NOL4: variants seen among roughly 807,000 people sequenced by gnomAD.
NOL4 encodes nucleolar protein 4.
In NOL4, 17 loss-of-function variants were observed where a neutral mutation model predicts 75.9. The ratio of observed to expected loss-of-function variants is 0.22; its 90% CI spans 0.15 to 0.34. The LOEUF (loss-of-function observed/expected upper bound fraction) is 0.34, where lower values mean the gene tolerates loss of function less well. NOL4 is among the 10% of genes least tolerant of loss of function. The pLI is 1.00. For synonymous variants in NOL4, 292 were observed against 289.9 expected, an observed-to-expected ratio of 1.01 and a Z score of -0.07; for missense variants, 614 against 793.5, an observed-to-expected ratio of 0.77 and a Z score of 2.72.
intron 9 of NOL4, among the ~76,000 whole-genome samples, chr18:33,912,660 G>A (rs1174341969): frequency 1.3e-5 from 2 of 152,194 alleles, no homozygotes; most frequent in East Asian, 1.9e-4. Context: ...GGGATGTTGT[G>A]TGGATTAAGG....
intron 5 of NOL4, among the ~76,000 whole-genome samples, chr18:34,037,367 C>T (rs114526580): frequency 5.9e-5 from 9 of 151,760 alleles, no homozygotes; most frequent in African/African-American, 2.2e-4. Context: ...AAATTCAACA[C>T]AATCCCTATC....
chr18:34,154,839 T>A (rs2030057951), intron 1 of NOL4, among the ~76,000 whole-genome samples: 1 of 152,030 alleles, frequency 6.6e-6, no homozygotes, highest in South Asian at 2.1e-4. Context: ...TTCATTGTTG[T>A]CATTCTGATA....
chr18:34,191,263 AT>A (rs1318988858), intron 1 of NOL4, among the ~76,000 whole-genome samples: 2 of 152,088 alleles, frequency 1.3e-5, no homozygotes, highest in Non-Finnish European at 2.9e-5. Context: ...CTTCATTTCC[AT>A]TGTTCTAAAT....
chr18:34,029,116 C>G (rs532694185), intron 5 of NOL4, among the ~76,000 whole-genome samples: 1 of 152,212 alleles, frequency 6.6e-6, no homozygotes, highest in African/African-American at 2.4e-5. Flanking sequence ...CTCACACAGT[C>G]TTGGTGTACA....
chr18:33,989,300 T>C (rs1003487940), intron 6 of NOL4, among the ~76,000 whole-genome samples: 1 of 151,712 alleles, frequency 6.6e-6, no homozygotes, highest in Non-Finnish European at 1.5e-5. Flanking sequence ...CATTCACCAT[T>C]GCATCCTAGT....
At chr18:33,995,947 A>C (rs1048457583) in intron 6 of NOL4, among the ~76,000 whole-genome samples, 7 of 151,826 alleles carry the variant, frequency 4.6e-5, no homozygotes, top group African/African-American at 1.7e-4. Flanking sequence ...CTGGAGTATA[A>C]TGTTGTTTAA....
chr18:33,984,394 T>A (rs2072258095), intron 6 of NOL4, among the ~76,000 whole-genome samples: 1 of 152,096 alleles, frequency 6.6e-6, no homozygotes, highest in Non-Finnish European at 1.5e-5. Context: ...GCTATAATAG[T>A]TGATAGGTTT....
intron 5 of NOL4, among the ~76,000 whole-genome samples, chr18:34,064,897 T>G (rs1213962711): frequency 1.3e-5 from 2 of 150,246 alleles, no homozygotes; most frequent in Non-Finnish European, 3.0e-5. Flanking sequence ...ACCATGAGTT[T>G]TATTCCCTAT....
At chr18:34,171,269 A>G (rs553115107) in intron 1 of NOL4, among the ~76,000 whole-genome samples, 38 of 152,234 alleles carry the variant, frequency 2.5e-4, no homozygotes, top group African/African-American at 8.7e-4. Context: ...TAAGATCTCA[A>G]TCCCCCTTTT....
At chr18:34,104,240 T>C (rs1319810258) in intron 3 of NOL4, 81 bp from the exon 4 acceptor site, 17 of 871,190 alleles carry the variant, frequency 2.0e-5, no homozygotes, top group Non-Finnish European at 2.6e-5. Context: ...TTTCTCCAAA[T>C]TGAAACAGGA....
At chr18:34,154,229 A>C (rs967972407) in intron 1 of NOL4, among the ~76,000 whole-genome samples, 4 of 152,080 alleles carry the variant, frequency 2.6e-5, no homozygotes, top group Non-Finnish European at 5.9e-5. Flanking sequence ...GTTAATGACA[A>C]GTCTTTAAAA....
At chr18:33,894,732 A>G (rs2065295296) in intron 9 of NOL4, among the ~76,000 whole-genome samples, 1 of 152,140 alleles carries the variant, frequency 6.6e-6, no homozygotes, top group Non-Finnish European at 1.5e-5. Context: ...TTTATTAACA[A>G]TAAAGGTTTG....
intron 10 of NOL4, among the ~76,000 whole-genome samples, chr18:33,868,043 C>CTT (rs376575722): frequency 3.5e-5 from 5 of 144,212 alleles, no homozygotes; most frequent in South Asian, 2.2e-4. Flanking sequence ...GATTCTTTAT[C>CTT]TTTTTTTTTT....
At chr18:34,177,405 T>C (rs990898722) in intron 1 of NOL4, among the ~76,000 whole-genome samples, 1 of 151,950 alleles carries the variant, frequency 6.6e-6, no homozygotes, top group Admixed American at 6.6e-5. Flanking sequence ...AAGTTGTACA[T>C]ATGAAATATG....
chr18:33,866,231 C>T (rs2063420858), intron 10 of NOL4, among the ~76,000 whole-genome samples: 1 of 152,090 alleles, frequency 6.6e-6, no homozygotes, highest in Admixed American at 6.6e-5. Flanking sequence ...TATCAATCTC[C>T]CACACGTTTG....
intron 6 of NOL4, among the ~76,000 whole-genome samples, chr18:33,982,007 T>C (rs2072000260): frequency 6.6e-6 from 1 of 151,958 alleles, no homozygotes; most frequent in African/African-American, 2.4e-5. Flanking sequence ...TGAATGTCTA[T>C]TGCAAACTCT....
At chr18:33,956,767 A>G (rs1600046370) in intron 8 of NOL4, among the ~76,000 whole-genome samples, 1 of 152,314 alleles carries the variant, frequency 6.6e-6, no homozygotes, top group African/African-American at 2.4e-5. Flanking sequence ...ACCATCCACC[A>G]GCACACAAAT....
intron 1 of NOL4, among the ~76,000 whole-genome samples, chr18:34,201,196 T>G (rs1039696588): frequency 6.6e-6 from 1 of 151,846 alleles, no homozygotes; most frequent in Non-Finnish European, 1.5e-5. Flanking sequence ...ACATTTATTC[T>G]TACTTGGAAA....
Position 34,106,852 on chromosome 18 carries a change from G to A in NOL4, c.415-1692C>T, listed in dbSNP as rs1168943955. Among the ~76,000 whole-genome samples, 3 of 151,862 alleles carry A rather than the reference G, an allele frequency of 2.0e-5. No homozygotes were observed. In the South Asian group the frequency reaches 6.2e-4, roughly 32 times the overall value. The stretch of plus-strand genomic sequence containing the variant: ...ATTTTATACTAATTCAGAAGAAAAA[G>A]TCTATAATGCATGCTTCATCCTTAT... On this transcript the variant is annotated intron_variant, in intron 2 of 10. Coordinates refer to ENST00000261592, the MANE Select transcript of NOL4 (RefSeq NM_003787.5).
Sources: allele counts gnomAD v4.1 joint callset (sites outside exome capture counted in the v4.1 genomes callset), GRCh38; gene constraint gnomAD v4.1.1; transcripts MANE v1.5; gene names NCBI Gene and HGNC (gene_info 2026-07-23, HGNC 2026-07-21).